SLC8A3: variants seen among roughly 807,000 people sequenced by gnomAD.
SLC8A3 encodes solute carrier family 8 member A3, also known as sodium/calcium exchanger 3.
Under a neutral mutation model 65.4 loss-of-function variants are expected in SLC8A3, and 37 were observed. That is an observed-to-expected ratio of 0.57 (90% CI 0.44 to 0.74). The LOEUF is 0.74. Among genes scored for constraint, SLC8A3 ranks in the 30% least tolerant of loss-of-function variants. The pLI is 0.00. For synonymous variants in SLC8A3, 461 were observed against 444.5 expected (o/e 1.04, Z -0.47); for missense variants, 1,112 against 1,172.1 (o/e 0.95, Z 0.75).
At chr14:70,082,285 G>C (rs563952367) in intron 2 of SLC8A3, among the ~76,000 whole-genome samples, 1 of 144,620 alleles carries the variant, frequency 6.9e-6, no homozygotes, top group East Asian at 1.9e-4. Context: ...ATAATTTCTT[G>C]GGGGGGTGAC....
chr14:70,073,842 C>T (rs940106642), intron 2 of SLC8A3, among the ~76,000 whole-genome samples: 23 of 152,178 alleles, frequency 1.5e-4, no homozygotes, highest in Middle Eastern at 3.2e-3. Context: ...GGGTCAAATG[C>T]AGTCAAAACG....
intron 1 of SLC8A3, among the ~76,000 whole-genome samples, chr14:70,169,700 G>C (rs561385469): frequency 2.1e-5 from 3 of 143,958 alleles, no homozygotes; most frequent in South Asian, 2.4e-4. Context: ...GTGGGGGGGG[G>C]GGCGATCTTT....
Position 70,051,423 on chromosome 14 carries a change from G to T in SLC8A3, c.2014-316C>A, listed in dbSNP as rs545251423. Among the ~76,000 whole-genome samples the T allele has an allele frequency of 2.6e-5, 4 of 152,278 alleles. No individual in the cohort carries two copies. The South Asian group carries it at 8.3e-4, about 32-fold the overall frequency. On this transcript the variant is annotated intron_variant, in intron 4 of 6. Coordinates refer to ENST00000356921, the MANE Select transcript of SLC8A3 (RefSeq NM_182932.3). ...TCCTCCCACCTCAGCCTCCTGAGTA[G>T]CTGGGACCACAGGCATGTACAACCA...
chr14:70,181,147 G>C (rs901488688), intron 1 of SLC8A3, among the ~76,000 whole-genome samples: 2 of 152,160 alleles, frequency 1.3e-5, no homozygotes, highest in Non-Finnish European at 2.9e-5. Flanking sequence ...CCAAGGCCCA[G>C]AGAACAGAGG....
chr14:70,123,827 C>T (rs189823369), intron 2 of SLC8A3, among the ~76,000 whole-genome samples: 36 of 152,118 alleles, frequency 2.4e-4, no homozygotes, highest in South Asian at 8.3e-4. Context: ...GTCTACATGA[C>T]CTCCATTTTT....
intron 1 of SLC8A3, among the ~76,000 whole-genome samples, chr14:70,172,823 C>T (rs144242999): frequency 1.3e-5 from 2 of 152,206 alleles, no homozygotes; most frequent in Non-Finnish European, 2.9e-5. Context: ...GGCACTGAGC[C>T]AGCCTGGGGA....
At chr14:70,049,718 T>C (rs1291968401) in intron 5 of SLC8A3, among the ~76,000 whole-genome samples, 1 of 152,188 alleles carries the variant, frequency 6.6e-6, no homozygotes, top group Admixed American at 6.5e-5. Context: ...CACTCTTCAC[T>C]GGATGCCAGC....
At chr14:70,080,501 G>C (rs1480129365) in intron 2 of SLC8A3, among the ~76,000 whole-genome samples, 1 of 152,190 alleles carries the variant, frequency 6.6e-6, no homozygotes, top group East Asian at 1.9e-4. Context: ...CACTGGCCCA[G>C]ACACAGCCTT....
At position 70,163,413 on chromosome 14, in the gene SLC8A3, A is replaced by G. The variant is rs61452487; in HGVS notation, c.1784+3226T>C. On this transcript the variant is annotated intron_variant, in intron 2 of 6. Coordinates refer to ENST00000356921, the MANE Select transcript of SLC8A3 (RefSeq NM_182932.3). ...AAACATGTGAATTCGTGGATCCTAT[A>G]TTATTGATAGAGCACAGGCCTGGCC... Among the ~76,000 whole-genome samples, 774 of 152,314 alleles carry G rather than the reference A, an allele frequency of 5.1e-3. 8 individuals carry two copies. The highest frequency in any genetic ancestry group is 0.017 in the African/African-American group (703 of 41,562).
chr14:70,102,484 G>A (rs11622751), intron 2 of SLC8A3, among the ~76,000 whole-genome samples: 19,793 of 152,042 alleles, frequency 0.13, 1,835 homozygotes, highest in Admixed American at 0.22. Flanking sequence ...AAATGTGACC[G>A]ACAGATAAGG....
intron 2 of SLC8A3, among the ~76,000 whole-genome samples, chr14:70,091,359 G>A (rs1252071477): frequency 2.0e-5 from 3 of 152,188 alleles, no homozygotes; most frequent in East Asian, 3.9e-4. Context: ...GCAGGAGGGA[G>A]AATGGGAAAG....
Position 70,060,913 on chromosome 14 carries a change from T to A in SLC8A3, c.1811A>T (p.Asp604Val). The change falls in exon 3 of 7, where the codon GAT (aspartate) becomes GTT (valine). Residue 604 changes from aspartate to valine, a missense_variant. By Grantham distance (152) the Asp-to-Val change is radical. Coordinates refer to ENST00000356921, the MANE Select transcript of SLC8A3 (RefSeq NM_182932.3). ...TVKTIRVKIVDEEEYERQENF... is the reference protein window; with the variant it reads ...TVKTIRVKIVVEEEYERQENF... ...CTCTTGCCTTTCGTATTCCTCCTCA[T>A]CTACTATTTTAACCCTTATGGTTTT... The A allele has an allele frequency of 2.6e-6, 4 of 1,515,518 alleles. No homozygotes were observed. The highest frequency in any genetic ancestry group is 2.8e-5 in the African/African-American group (2 of 71,752). The allele number at this position is 1,515,518 out of a possible 1,614,324, so 93.9% of individuals were successfully genotyped here.
At chr14:70,057,920 CT>C (rs1888349410) in intron 3 of SLC8A3, among the ~76,000 whole-genome samples, 1 of 152,330 alleles carries the variant, frequency 6.6e-6, no homozygotes, top group East Asian at 1.9e-4. Flanking sequence ...GCTTTCCTTT[CT>C]ATCCGAAGGC....
intron 2 of SLC8A3, among the ~76,000 whole-genome samples, chr14:70,130,910 C>T (rs1190926849): frequency 4.6e-5 from 7 of 152,088 alleles, no homozygotes. Flanking sequence ...GCCTAGCAGG[C>T]AAATGGATAT....
In SLC8A3 at chr14:70,070,432, G is replaced by C. The variant is rs868244814; in HGVS notation, c.1785-9493C>G. Among the ~76,000 whole-genome samples the C allele has an allele frequency of 2.0e-5, 3 of 152,270 alleles. No homozygotes were observed. The South Asian group carries it at 6.2e-4, about 32-fold the overall frequency. ...GAGGACCAGAAAAGTTAAGAGACTTGCCTAAGGTTATAACTAAATAAGTGG... is the reference window on the plus strand; with the variant it reads ...GAGGACCAGAAAAGTTAAGAGACTTCCCTAAGGTTATAACTAAATAAGTGG... On this transcript the variant is annotated intron_variant, in intron 2 of 6. Transcript: ENST00000356921.
chr14:70,118,818 A>G (rs1411636834), intron 2 of SLC8A3, among the ~76,000 whole-genome samples: 2 of 152,192 alleles, frequency 1.3e-5, no homozygotes, highest in Non-Finnish European at 2.9e-5. Context: ...TAGAAAGAAC[A>G]CAAGCAGTTG....
At chr14:70,137,895 A>G (rs1566804607) in intron 2 of SLC8A3, among the ~76,000 whole-genome samples, 1 of 150,858 alleles carries the variant, frequency 6.6e-6, no homozygotes, top group Non-Finnish European at 1.5e-5. Context: ...ACGATGGATG[A>G]CTTAGCATGG....
chr14:70,064,406 G>C (rs1448830187), intron 2 of SLC8A3, among the ~76,000 whole-genome samples: 1 of 151,624 alleles, frequency 6.6e-6, no homozygotes, highest in Non-Finnish European at 1.5e-5. Flanking sequence ...AGCTGACGTT[G>C]ATCCAAATGG....
intron 2 of SLC8A3, among the ~76,000 whole-genome samples, chr14:70,066,434 T>A (rs1309981076): frequency 6.6e-6 from 1 of 152,206 alleles, no homozygotes; most frequent in East Asian, 1.9e-4. Context: ...CCCTCATTCT[T>A]TCCTCACTCT....
Sources: allele counts gnomAD v4.1 joint callset (sites outside exome capture counted in the v4.1 genomes callset), GRCh38; gene constraint gnomAD v4.1.1; transcripts MANE v1.5; gene names NCBI Gene and HGNC (gene_info 2026-07-23, HGNC 2026-07-21).